Variants in PAX2 observed in about 807,000 individuals in gnomAD.
PAX2 encodes paired box protein Pax-2.
In PAX2, 9 loss-of-function variants were observed where a neutral mutation model predicts 41.7. The ratio of observed to expected loss-of-function variants is 0.22; its 90% confidence interval spans 0.13 to 0.38. The LOEUF is 0.38. Ranked by LOEUF, PAX2 falls within the 10% of genes least tolerant of loss-of-function variation. The pLI is 1.00. For missense variants in PAX2, 418 were observed against 531.6 expected, an observed-to-expected ratio of 0.79 and a Z score of 2.10; for synonymous variants, 221 against 212.7, an observed-to-expected ratio of 1.04 and a Z score of -0.34.
chr10:100,770,725 A>T (rs1160470508), intron 3 of PAX2, among the ~76,000 whole-genome samples: 1 of 152,208 alleles, frequency 6.6e-6, no homozygotes, highest in Non-Finnish European at 1.5e-5. Flanking sequence ...ACCCACTGGG[A>T]ATTTATCATC....
intron 3 of PAX2, among the ~76,000 whole-genome samples, chr10:100,758,106 AAG>A (rs562278360): frequency 1.6e-3 from 237 of 151,976 alleles, no homozygotes; most frequent in African/African-American, 5.1e-3. Context: ...AAGAGATAGA[AAG>A]AGAGCAGGGC....
intron 3 of PAX2, among the ~76,000 whole-genome samples, chr10:100,758,831 A>C (rs545501512): frequency 1.1e-3 from 165 of 152,354 alleles, no homozygotes; most frequent in Admixed American, 2.4e-3. Context: ...CAGGGCAGTA[A>C]CATCCACGCA....
chr10:100,777,444 G>A (rs1403647036), intron 3 of PAX2, among the ~76,000 whole-genome samples: 1 of 143,146 alleles, frequency 7.0e-6, no homozygotes, highest in Admixed American at 7.4e-5. Context: ...GCCCAGACTG[G>A]AGTACAGTGG....
chr10:100,755,850 C>A (rs1275188493), intron 3 of PAX2, among the ~76,000 whole-genome samples: 4 of 152,082 alleles, frequency 2.6e-5, no homozygotes, highest in Admixed American at 2.6e-4. Flanking sequence ...CAGGAGCAGC[C>A]CCTAGAGAAG....
Position 100,748,891 on chromosome 10 carries a change from G to T in PAX2, c.44-855G>T. The T allele has an allele frequency of 1.1e-5, 11 of 985,392 alleles. No individual in the cohort carries two copies. Among genetic ancestry groups the T allele is most frequent in the Non-Finnish European group, 1.3e-5 (11 of 829,926 alleles). The allele number at this position is 985,392 out of a possible 1,614,324, so 61.0% of individuals were successfully genotyped here. On this transcript the variant is annotated intron_variant, in intron 1 of 9. Coordinates refer to ENST00000355243, the MANE Select transcript of PAX2 (RefSeq NM_000278.5). The surrounding 1 kb of genome is among the most constrained non-coding windows in gnomAD (Gnocchi z 5.0). ...AACTCGCCAGCGAGGCCTATGCCGT[G>T]CCACCTGGGCGAGACGGTGGGCCCC... is the stretch of plus-strand genomic sequence containing the variant.
chr10:100,819,285 A>G (rs573299403), intron 7 of PAX2, among the ~76,000 whole-genome samples: 2 of 150,706 alleles, frequency 1.3e-5, no homozygotes, highest in Non-Finnish European at 3.0e-5. Context: ...AAACATATCA[A>G]TGGCTGGTCC....
chr10:100,811,784 A>T (rs1457271099), intron 7 of PAX2, among the ~76,000 whole-genome samples: 1 of 152,232 alleles, frequency 6.6e-6, no homozygotes, highest in Non-Finnish European at 1.5e-5. Flanking sequence ...CAGTGCCCAT[A>T]GCCTGGCTTA....
At chr10:100,788,423 C>T (rs2133913488) in intron 5 of PAX2, among the ~76,000 whole-genome samples, 1 of 152,320 alleles carries the variant, frequency 6.6e-6, no homozygotes, top group Admixed American at 6.5e-5. Context: ...GCAAGGAGGA[C>T]CCCGAGGAAG....
intron 3 of PAX2, among the ~76,000 whole-genome samples, chr10:100,768,087 A>G (rs527577645): frequency 6.6e-6 from 1 of 152,054 alleles, no homozygotes; most frequent in Non-Finnish European, 1.5e-5. Flanking sequence ...GGACCAATAT[A>G]AAAACACGAT....
intron 7 of PAX2, among the ~76,000 whole-genome samples, chr10:100,810,824 G>A (rs547537296): frequency 1.3e-5 from 2 of 152,332 alleles, no homozygotes; most frequent in South Asian, 4.1e-4. Flanking sequence ...GGCTGGTACA[G>A]AGAAGTGCCT....
chr10:100,776,084 G>C (rs1339567665), intron 3 of PAX2, among the ~76,000 whole-genome samples: 2 of 152,140 alleles, frequency 1.3e-5, no homozygotes, highest in Admixed American at 6.5e-5. Flanking sequence ...CCTCTTCACT[G>C]GTTCTTCCTC....
upstream of PAX2, among the ~76,000 whole-genome samples, chr10:100,745,526 G>C (rs1186513699): frequency 6.6e-6 from 1 of 152,064 alleles, no homozygotes; most frequent in Non-Finnish European, 1.5e-5. Context: ...AGGGGGAGGA[G>C]GTCTGGAGGG....
At chr10:100,764,466 T>A (rs1034122126) in intron 3 of PAX2, among the ~76,000 whole-genome samples, 4 of 152,210 alleles carry the variant, frequency 2.6e-5, no homozygotes, top group African/African-American at 9.7e-5. Flanking sequence ...ATAAAAAAGT[T>A]TGAAGAGCCA....
At chr10:100,818,962 T>G (rs1301507242) in intron 7 of PAX2, among the ~76,000 whole-genome samples, 1 of 152,160 alleles carries the variant, frequency 6.6e-6, no homozygotes, top group Non-Finnish European at 1.5e-5. Context: ...GAATGGGGAT[T>G]AAAGGCCGGG....
Position 100,753,254 on chromosome 10 carries a change from G to C in PAX2, c.410+2363G>C, listed in dbSNP as rs184182654. ...TTGCTTTTGTCCAGAATCCTCTCAT[G>C]GTTCATATTTTGGAAAGAATTCTGG... On this transcript the variant is annotated intron_variant, in intron 3 of 9. Coordinates refer to ENST00000355243, the MANE Select transcript of PAX2 (RefSeq NM_000278.5). Among the ~76,000 whole-genome samples the C allele has an allele frequency of 9.9e-4, 150 of 152,264 alleles. 1 individual carries two copies. Among genetic ancestry groups the C allele is most frequent in the Admixed American group, 2.3e-3 (35 of 15,300 alleles).
intron 2 of PAX2, 55 bp downstream of exon 2, chr10:100,749,969 C>G (rs1358805382): frequency 6.3e-7 from 1 of 1,583,706 alleles, no homozygotes; most frequent in Admixed American, 1.8e-5. Context: ...CCGGCCAGCC[C>G]TGGGTCTCCA....
chr10:100,822,462 G>C (rs953678523), intron 7 of PAX2, among the ~76,000 whole-genome samples: 1 of 152,154 alleles, frequency 6.6e-6, no homozygotes, highest in Non-Finnish European at 1.5e-5. Context: ...TAGATTGATG[G>C]ACGATTAATC....
chr10:100,802,803 C>T (rs769057614), intron 5 of PAX2, among the ~76,000 whole-genome samples: 1 of 152,160 alleles, frequency 6.6e-6, no homozygotes, highest in Non-Finnish European at 1.5e-5. Context: ...TAATCACTCA[C>T]GCGCTCTCCT....
chr10:100,806,389 T>G (rs1321060738), intron 5 of PAX2, 41 bp from the exon 6 acceptor site: 1 of 1,608,938 alleles, frequency 6.2e-7, no homozygotes, highest in Non-Finnish European at 8.5e-7. Context: ...GTGCCTCTGC[T>G]GGCCTGGCGC....
Sources: gnomAD v4.1 joint callset for allele counts (sites outside exome capture counted in the v4.1 genomes callset) on GRCh38, gnomAD v4.1.1 for gene constraint, Gnocchi (gnomAD v3.1) non-coding constraint, MANE v1.5 for transcripts, NCBI Gene and HGNC (gene_info 2026-07-23, HGNC 2026-07-21) for gene names.